The following GRM3 variants were observed in gnomAD, a reference collection of about 807,000 sequenced individuals.
The protein encoded by GRM3 is metabotropic glutamate receptor 3.
GRM3 carries 26 observed loss-of-function variants against 70.5 expected under a neutral mutation model. The ratio of observed to expected loss-of-function variants is 0.37; its 90% confidence interval spans 0.27 to 0.51. The LOEUF (loss-of-function observed/expected upper bound fraction) is 0.51, where lower values mean the gene tolerates loss of function less well. Ranked by LOEUF, GRM3 falls within the 20% of genes least tolerant of loss-of-function variation. The pLI is 0.93. For missense variants in GRM3, 859 were observed against 1,123.8 expected, an observed-to-expected ratio of 0.76 and a Z score of 3.37; for synonymous variants, 443 against 434.9, an observed-to-expected ratio of 1.02 and a Z score of -0.23.
At chr7:86,792,831 C>T (rs1335010486) in intron 3 of GRM3, among the ~76,000 whole-genome samples, 3 of 152,102 alleles carry the variant, frequency 2.0e-5, no homozygotes, top group Admixed American at 1.3e-4. Context: ...ATGTATCTTA[C>T]ACCCAGAAAA....
chr7:86,793,382 G>A (rs1050243796), intron 3 of GRM3, among the ~76,000 whole-genome samples: 3 of 152,150 alleles, frequency 2.0e-5, no homozygotes, highest in East Asian at 1.9e-4. Context: ...AGCCAAAATG[G>A]TAATGGCCAC....
At chr7:86,849,747 C>A (rs1279943338) in intron 4 of GRM3, among the ~76,000 whole-genome samples, 1 of 151,920 alleles carries the variant, frequency 6.6e-6, no homozygotes, top group Non-Finnish European at 1.5e-5. Context: ...GTATAGAAGC[C>A]TAGAGAACAT....
chr7:86,747,181 G>A (rs777827386), intron 1 of GRM3, among the ~76,000 whole-genome samples: 8 of 152,040 alleles, frequency 5.3e-5, no homozygotes, highest in Non-Finnish European at 1.0e-4. Context: ...GCCATGCAGC[G>A]AAGTTAGCTG....
intron 1 of GRM3, among the ~76,000 whole-genome samples, chr7:86,733,566 T>G (rs766713924): frequency 1.3e-5 from 2 of 152,114 alleles, no homozygotes; most frequent in African/African-American, 4.8e-5. Context: ...ATGGAGAAGA[T>G]AAGAGTTTAT....
intron 2 of GRM3, among the ~76,000 whole-genome samples, chr7:86,767,753 T>C (rs898364732): frequency 6.6e-6 from 1 of 151,954 alleles, no homozygotes; most frequent in African/African-American, 2.4e-5. Context: ...ACAGCAGATG[T>C]GTAAATATCC....
intron 5 of GRM3, among the ~76,000 whole-genome samples, chr7:86,855,202 A>G (rs1271933381): frequency 1.3e-5 from 2 of 152,182 alleles, no homozygotes; most frequent in African/African-American, 4.8e-5. Context: ...TCAATAACAT[A>G]TGTTGGGAAT....
At chr7:86,814,083 A>G (rs1300955566) in intron 3 of GRM3, among the ~76,000 whole-genome samples, 1 of 151,810 alleles carries the variant, frequency 6.6e-6, no homozygotes, top group Non-Finnish European at 1.5e-5. Flanking sequence ...CAGAAGATGT[A>G]CAGAGAAGAC....
At chr7:86,708,411 C>G (rs1427248707) in intron 1 of GRM3, among the ~76,000 whole-genome samples, 1 of 152,166 alleles carries the variant, frequency 6.6e-6, no homozygotes, top group Non-Finnish European at 1.5e-5. Context: ...AGATGAGAAG[C>G]AGCAGGGAAT....
At chr7:86,818,531 A>C (rs191456814) in intron 3 of GRM3, among the ~76,000 whole-genome samples, 1 of 152,170 alleles carries the variant, frequency 6.6e-6, no homozygotes, top group Non-Finnish European at 1.5e-5. Context: ...AACCCATTTC[A>C]TTGGGTTAAG....
At chr7:86,762,209 C>T (rs932374173) in intron 1 of GRM3, among the ~76,000 whole-genome samples, 1 of 152,080 alleles carries the variant, frequency 6.6e-6, no homozygotes, top group Non-Finnish European at 1.5e-5. Context: ...AATTCTACTA[C>T]AGTATCAACT....
In GRM3 at chr7:86,786,653, C is replaced by G; in HGVS notation, c.861C>G (p.Ala287=). Residue 287 remains alanine, a synonymous_variant, in exon 3 of 6, where the codon GCC becomes GCG. Coordinates refer to ENST00000361669, the MANE Select transcript of GRM3 (RefSeq NM_000840.3). The surrounding 1 kb of genome is among the most constrained non-coding windows in gnomAD (Gnocchi z 6.0). The stretch of plus-strand genomic sequence containing the variant: ...ACGACTCGCGGGAGCTCATTGCAGC[C>G]GCCAGCCGCGCCAATGCCTCCTTCA... The part of the protein sequence containing the change: ...RSDDSRELIA[A]ASRANASFTW... 6.2e-7 allele frequency: 1 copy of G among 1,611,756 alleles called. No homozygotes were observed. The highest frequency in any genetic ancestry group is 8.5e-7 in the Non-Finnish European group (1 of 1,179,816).
At chr7:86,650,162 G>A (rs1485555284) in intron 1 of GRM3, among the ~76,000 whole-genome samples, 1 of 152,038 alleles carries the variant, frequency 6.6e-6, no homozygotes, top group African/African-American at 2.4e-5. Flanking sequence ...TGCTATACAA[G>A]AACTATACAG....
At chr7:86,681,172 C>A (rs1162715073) in intron 1 of GRM3, among the ~76,000 whole-genome samples, 1 of 152,072 alleles carries the variant, frequency 6.6e-6, no homozygotes, top group Non-Finnish European at 1.5e-5. Context: ...TCCTGGCCAG[C>A]ATAATAAGAC....
At chr7:86,833,823 C>CT (rs953831226) in intron 3 of GRM3, among the ~76,000 whole-genome samples, 12 of 151,616 alleles carry the variant, frequency 7.9e-5, no homozygotes, top group African/African-American at 1.7e-4. Flanking sequence ...CTCAAAATGG[C>CT]TTTTTTTTGT....
At chr7:86,725,389 T>C (rs1238021625) in intron 1 of GRM3, among the ~76,000 whole-genome samples, 1 of 152,128 alleles carries the variant, frequency 6.6e-6, no homozygotes. Context: ...AAGGGCATGA[T>C]AGCCTCAGGG....
rs548346507 is a variant in GRM3 at position 86,855,261 on chromosome 7, G to A, written c.2566+4717G>A. ...AAAGAGACAAGCTGGAAGTACACATGAAGTTACATAGCATAAAACCCTATA... is the reference window on the plus strand; with the variant it reads ...AAAGAGACAAGCTGGAAGTACACATAAAGTTACATAGCATAAAACCCTATA... On this transcript the variant is annotated intron_variant, in intron 5 of 5. Transcript: ENST00000361669. Among the ~76,000 whole-genome samples, 3 of 152,264 alleles carry A rather than the reference G, an allele frequency of 2.0e-5. No individual in the cohort carries two copies. The East Asian group carries it at 5.8e-4, about 29-fold the overall frequency.
chr7:86,828,269 G>A (rs557309204), intron 3 of GRM3, among the ~76,000 whole-genome samples: 16 of 151,948 alleles, frequency 1.1e-4, no homozygotes, highest in African/African-American at 3.9e-4. Context: ...ATCACAACGA[G>A]ATACCGGTAC....
intron 4 of GRM3, 117 bp from the exon 5 acceptor site, chr7:86,850,253 G>T: frequency 1.5e-6 from 1 of 669,706 alleles, no homozygotes; most frequent in African/African-American, 1.8e-5. Flanking sequence ...GCTACAATAA[G>T]GACAGAGCTG....
chr7:86,734,555 A>G (rs1221376728), intron 1 of GRM3, among the ~76,000 whole-genome samples: 1 of 152,228 alleles, frequency 6.6e-6, no homozygotes, highest in African/African-American at 2.4e-5. Context: ...ATTTATTTGT[A>G]AAGAATAATA....
Sources: gnomAD v4.1 joint callset for allele counts (sites outside exome capture counted in the v4.1 genomes callset) on GRCh38, gnomAD v4.1.1 for gene constraint, Gnocchi (gnomAD v3.1) non-coding constraint, MANE v1.5 for transcripts, NCBI Gene and HGNC (gene_info 2026-07-23, HGNC 2026-07-21) for gene names.